ANKRD33B: variants seen among roughly 807,000 people sequenced by gnomAD.
The protein encoded by ANKRD33B is ankyrin repeat domain-containing protein 33B.
In ANKRD33B, 6 loss-of-function variants were observed where a neutral mutation model predicts 21.5. The ratio of observed to expected loss-of-function variants is 0.28; its 90% CI spans 0.15 to 0.55. The LOEUF is 0.55. Among genes scored for constraint, ANKRD33B ranks in the 20% least tolerant of loss-of-function variants. The probability of loss-of-function intolerance (pLI) is 0.94; values close to 1 mark genes in which losing one functional copy is unlikely to be tolerated. For synonymous variants in ANKRD33B, 347 were observed against 342.4 expected, an observed-to-expected ratio of 1.01 and a Z score of -0.15; for missense variants, 698 against 747.2, an observed-to-expected ratio of 0.93 and a Z score of 0.77.
intron 2 of ANKRD33B, among the ~76,000 whole-genome samples, chr5:10,635,963 C>T (rs1190421717): frequency 6.6e-5 from 10 of 152,360 alleles, no homozygotes; most frequent in African/African-American, 2.2e-4. Context: ...GCGTCATGCT[C>T]ACGTAGTATT....
intron 1 of ANKRD33B, among the ~76,000 whole-genome samples, chr5:10,582,057 T>C (rs537921688): frequency 3.0e-4 from 45 of 152,350 alleles, no homozygotes; most frequent in African/African-American, 1.0e-3. Flanking sequence ...GAGTCATGTG[T>C]GCATTCAGCC....
chr5:10,638,480 C>T (rs1736927825), intron 3 of ANKRD33B, among the ~76,000 whole-genome samples: 1 of 152,252 alleles, frequency 6.6e-6, no homozygotes, highest in African/African-American at 2.4e-5. Flanking sequence ...TGTTCCTCCT[C>T]AGAAAGGGGT....
At chr5:10,624,371 C>G (rs753074432) in intron 2 of ANKRD33B, among the ~76,000 whole-genome samples, 3 of 152,140 alleles carry the variant, frequency 2.0e-5, no homozygotes, top group African/African-American at 7.2e-5. Context: ...CTCAAGTGAT[C>G]CGCCCACCTT....
intron 1 of ANKRD33B, among the ~76,000 whole-genome samples, chr5:10,617,893 G>C (rs1736322055): frequency 2.0e-5 from 3 of 152,130 alleles, no homozygotes; most frequent in Admixed American, 2.0e-4. Flanking sequence ...CCACTGCCTT[G>C]CCTCTTTCAC....
intron 3 of ANKRD33B, among the ~76,000 whole-genome samples, chr5:10,641,318 T>C (rs1442149913): frequency 7.3e-6 from 1 of 136,144 alleles, no homozygotes; most frequent in African/African-American, 2.7e-5. Context: ...AACCTCCACC[T>C]CCCGGGTTCA....
At chr5:10,580,321 T>C (rs1735416484) in intron 1 of ANKRD33B, among the ~76,000 whole-genome samples, 1 of 152,238 alleles carries the variant, frequency 6.6e-6, no homozygotes, top group Non-Finnish European at 1.5e-5. Context: ...TCATCTCTAG[T>C]TGGTTTGCTG....
At chr5:10,568,061 T>G (rs1447470604) in intron 1 of ANKRD33B, among the ~76,000 whole-genome samples, 1 of 152,148 alleles carries the variant, frequency 6.6e-6, no homozygotes, top group Admixed American at 6.6e-5. Flanking sequence ...TCTGGGTAAC[T>G]AAGGGTCAGA....
intron 2 of ANKRD33B, among the ~76,000 whole-genome samples, chr5:10,624,012 C>A (rs1262922152): frequency 1.3e-5 from 2 of 152,144 alleles, no homozygotes; most frequent in Non-Finnish European, 2.9e-5. Flanking sequence ...CTGGAGATAA[C>A]TGTTGTTAAT....
chr5:10,641,124 C>T (rs961777337), intron 3 of ANKRD33B, among the ~76,000 whole-genome samples: 2 of 152,074 alleles, frequency 1.3e-5, no homozygotes, highest in Non-Finnish European at 2.9e-5. Flanking sequence ...TCCCAGGCAT[C>T]AGTGCTTCCA....
chr5:10,591,453 C>T (rs1299411299), intron 1 of ANKRD33B, among the ~76,000 whole-genome samples: 1 of 152,134 alleles, frequency 6.6e-6, no homozygotes, highest in Non-Finnish European at 1.5e-5. Context: ...CTTGGCCTCC[C>T]AGAGTGCTGT....
intron 1 of ANKRD33B, among the ~76,000 whole-genome samples, chr5:10,583,713 G>A (rs1043560336): frequency 9.2e-5 from 14 of 152,194 alleles, no homozygotes; most frequent in Non-Finnish European, 2.1e-4. Context: ...GTTTTTTACA[G>A]TTAAAGAATT....
At chr5:10,638,727 G>A (rs1445207323) in intron 3 of ANKRD33B, among the ~76,000 whole-genome samples, 1 of 152,104 alleles carries the variant, frequency 6.6e-6, no homozygotes, top group Non-Finnish European at 1.5e-5. Flanking sequence ...GCATGGTAAC[G>A]TTAGAAGGCG....
At chr5:10,615,989 A>C (rs1318386106) in intron 1 of ANKRD33B, among the ~76,000 whole-genome samples, 2 of 152,190 alleles carry the variant, frequency 1.3e-5, no homozygotes, top group Non-Finnish European at 2.9e-5. Context: ...TTTCTATTTA[A>C]AATTAGATTA....
intron 1 of ANKRD33B, among the ~76,000 whole-genome samples, chr5:10,568,481 T>C (rs904323816): frequency 1.3e-5 from 2 of 152,244 alleles, no homozygotes; most frequent in African/African-American, 2.4e-5. Context: ...TAGGCCCAAA[T>C]ACATGCTCAA....
intron 1 of ANKRD33B, among the ~76,000 whole-genome samples, chr5:10,593,703 C>T (rs1049170557): frequency 6.6e-6 from 1 of 152,020 alleles, no homozygotes; most frequent in Admixed American, 6.6e-5. Context: ...CATCAGACCC[C>T]GACTCAATGA....
In ANKRD33B at chr5:10,618,271, C is replaced by T. The variant is rs866688887; in HGVS notation, c.367-62C>T. 33 of 1,533,854 alleles carry T rather than the reference C, an allele frequency of 2.2e-5. No individual in the cohort carries two copies. In the African/African-American group the frequency reaches 3.4e-4, roughly 16 times the overall value. On this transcript the variant is annotated intron_variant, in intron 1 of 3. Transcript: ENST00000296657. ...GGTAGTGGGTGCCCCTCGGGGTCCC[C>T]AGTGCTGACCCACCATGCTCCGACT...
chr5:10,655,079 G>A lies in ANKRD33B; in HGVS notation c.*4966G>A, dbSNP rs1017886239. 4 of 152,554 alleles carry A rather than the reference G, an allele frequency of 2.6e-5. No homozygotes were observed. The highest frequency in any genetic ancestry group is 3.4e-3 in the Middle Eastern group (1 of 294). The allele number at this position is 152,554 out of a possible 1,614,324, so 9.5% of individuals were successfully genotyped here. ...CAGTGTGGCCACTCCTGAGGCAAGAGGCTCCTCCTGGGAGCAGGAGAGAGA... is the reference window on the plus strand; with the variant it reads ...CAGTGTGGCCACTCCTGAGGCAAGAAGCTCCTCCTGGGAGCAGGAGAGAGA... On this transcript the variant is annotated 3_prime_UTR_variant, in exon 4 of 4. Transcript: ENST00000296657.
intron 2 of ANKRD33B, among the ~76,000 whole-genome samples, chr5:10,622,794 CTTTATTTTATTTTAT>C (rs1159054792): frequency 1.4e-4 from 11 of 78,602 alleles, no homozygotes; most frequent in Admixed American, 1.0e-3. Context: ...TTTGTTTTTG[CTTTATTTTATTTTAT>C]TTTTTTTTTT....
At chr5:10,593,585 AC>A (rs539625983) in intron 1 of ANKRD33B, among the ~76,000 whole-genome samples, 177 of 152,084 alleles carry the variant, frequency 1.2e-3, no homozygotes, top group African/African-American at 4.1e-3. Flanking sequence ...CCTCCTGTTC[AC>A]CATGACTCCA....
Sources: allele counts gnomAD v4.1 joint callset (sites outside exome capture counted in the v4.1 genomes callset), GRCh38; gene constraint gnomAD v4.1.1; transcripts MANE v1.5; gene names NCBI Gene and HGNC (gene_info 2026-07-23, HGNC 2026-07-21).